Variants in ARHGAP10 observed in about 807,000 individuals in gnomAD.
The protein encoded by ARHGAP10 is Rho GTPase activating protein 10, also known as rho GTPase-activating protein 10.
In ARHGAP10, 87 loss-of-function variants were observed where a neutral mutation model predicts 108.6. That is an observed-to-expected ratio of 0.80 (90% CI 0.67 to 0.96). The LOEUF is 0.96. Among genes scored for constraint, ARHGAP10 ranks in the 40% least tolerant of loss-of-function variants. The probability of loss-of-function intolerance (pLI) is 0.00; values close to 1 mark genes in which losing one functional copy is unlikely to be tolerated. For synonymous variants in ARHGAP10, 347 were observed against 341.1 expected (o/e 1.02, Z -0.19); for missense variants, 939 against 954.5 (o/e 0.98, Z 0.21).
intron 1 of ARHGAP10, among the ~76,000 whole-genome samples, chr4:147,767,886 A>G (rs1729899013): frequency 6.6e-6 from 1 of 152,240 alleles, no homozygotes; most frequent in Admixed American, 6.5e-5. Flanking sequence ...CTTAAATAAC[A>G]GGACAGACAC....
intron 1 of ARHGAP10, among the ~76,000 whole-genome samples, chr4:147,750,601 C>CT (rs773142482): frequency 0.026 from 3,739 of 142,764 alleles, 132 homozygotes; most frequent in African/African-American, 0.084. Flanking sequence ...TATAAAATAT[C>CT]TTTTTTTTTT....
At chr4:147,894,296 G>A (rs1217645276) in intron 10 of ARHGAP10, among the ~76,000 whole-genome samples, 3 of 152,020 alleles carry the variant, frequency 2.0e-5, no homozygotes, top group Non-Finnish European at 4.4e-5. Flanking sequence ...TTTCATTTTA[G>A]CCAATTTTGA....
intron 10 of ARHGAP10, among the ~76,000 whole-genome samples, chr4:147,900,267 T>C (rs913103896): frequency 6.6e-6 from 1 of 152,198 alleles, no homozygotes; most frequent in Non-Finnish European, 1.5e-5. Context: ...GTATTTTTTT[T>C]CTGAATGAAT....
chr4:147,871,581 A>G (rs1734824275), intron 7 of ARHGAP10, among the ~76,000 whole-genome samples: 1 of 152,210 alleles, frequency 6.6e-6, no homozygotes, highest in Non-Finnish European at 1.5e-5. Context: ...CTTTTATTGG[A>G]AAGATAGCAT....
At chr4:147,820,580 G>GT (rs57534364) in intron 1 of ARHGAP10, among the ~76,000 whole-genome samples, 496 of 49,034 alleles carry the variant, frequency 0.01, 61 homozygotes, top group East Asian at 0.054. Flanking sequence ...ACCTCGGCCA[G>GT]TTTTTTTTTT....
chr4:147,860,421 G>T (rs1349526175), intron 5 of ARHGAP10, among the ~76,000 whole-genome samples: 1 of 151,952 alleles, frequency 6.6e-6, no homozygotes, highest in Non-Finnish European at 1.5e-5. Flanking sequence ...CAGCCTGGGC[G>T]ACAGCTCCGT....
At chr4:148,008,326 G>A (rs1312048015) in intron 18 of ARHGAP10, among the ~76,000 whole-genome samples, 1 of 151,900 alleles carries the variant, frequency 6.6e-6, no homozygotes. Context: ...AAACAAAGCC[G>A]GTGCTAACAG....
chr4:148,012,184 C>T (rs1222718757), intron 18 of ARHGAP10, among the ~76,000 whole-genome samples: 2 of 152,174 alleles, frequency 1.3e-5, no homozygotes, highest in Non-Finnish European at 2.9e-5. Context: ...GTCATTACTT[C>T]ATTTATTATG....
At chr4:148,055,114 C>T (rs907934549) in intron 20 of ARHGAP10, among the ~76,000 whole-genome samples, 4 of 152,216 alleles carry the variant, frequency 2.6e-5, no homozygotes, top group African/African-American at 7.2e-5. Context: ...TCAAGGAGAA[C>T]TCTTTGAGTG....
At chr4:147,847,685 C>T (rs1269490240) in intron 4 of ARHGAP10, among the ~76,000 whole-genome samples, 1 of 152,086 alleles carries the variant, frequency 6.6e-6, no homozygotes, top group Non-Finnish European at 1.5e-5. Flanking sequence ...ATTTATTGAG[C>T]CTCTATTATG....
At chr4:147,805,314 A>G (rs979374269) in intron 1 of ARHGAP10, among the ~76,000 whole-genome samples, 16 of 152,040 alleles carry the variant, frequency 1.1e-4, no homozygotes, top group African/African-American at 2.7e-4. Flanking sequence ...TGGGCTCTCT[A>G]TTCTGTTCCA....
At chr4:148,016,558 T>G (rs1018252944) in intron 18 of ARHGAP10, among the ~76,000 whole-genome samples, 12 of 152,276 alleles carry the variant, frequency 7.9e-5, no homozygotes, top group African/African-American at 2.6e-4. Context: ...TCTCTGTTCT[T>G]ATAACACAAC....
chr4:148,053,522 GA>G (rs1729233313), intron 20 of ARHGAP10, among the ~76,000 whole-genome samples: 1 of 152,318 alleles, frequency 6.6e-6, no homozygotes, highest in African/African-American at 2.4e-5. Flanking sequence ...GAGAGACTTG[GA>G]AATTTGATCT....
chr4:147,831,489 T>C (rs1457141408), intron 3 of ARHGAP10, among the ~76,000 whole-genome samples: 2 of 152,236 alleles, frequency 1.3e-5, no homozygotes, highest in Admixed American at 6.5e-5. Context: ...GTGAAGCTTG[T>C]TTTAATCAGT....
At chr4:147,992,319 ACAC>A (rs1455778134) in intron 18 of ARHGAP10, among the ~76,000 whole-genome samples, 1 of 152,012 alleles carries the variant, frequency 6.6e-6, no homozygotes, top group Non-Finnish European at 1.5e-5. Flanking sequence ...TTCCCCCTTC[ACAC>A]TGAGTCACAC....
chr4:147,837,170 G>T (rs2126804769), intron 3 of ARHGAP10, among the ~76,000 whole-genome samples: 1 of 152,262 alleles, frequency 6.6e-6, no homozygotes, highest in South Asian at 2.1e-4. Context: ...GAAGGTATAG[G>T]CCGGGGGAGG....
At chr4:147,732,533 G>A in intron 1 of ARHGAP10, 78 bp downstream of exon 1, 3 of 1,573,668 alleles carry the variant, frequency 1.9e-6, no homozygotes, top group African/African-American at 1.4e-5. Context: ...GGAGACGGAG[G>A]GTCTTGTGTC....
At chr4:147,835,146 A>T (rs1017474983) in intron 3 of ARHGAP10, among the ~76,000 whole-genome samples, 7 of 152,258 alleles carry the variant, frequency 4.6e-5, no homozygotes, top group African/African-American at 1.7e-4. Context: ...CCGTGTTCTC[A>T]CACCTGAGGA....
At chr4:147,962,287 GCTT>G (rs1475427955) in intron 16 of ARHGAP10, among the ~76,000 whole-genome samples, 1 of 152,158 alleles carries the variant, frequency 6.6e-6, no homozygotes, top group Non-Finnish European at 1.5e-5. Flanking sequence ...TGTCAGTTCT[GCTT>G]CTTCCATCGT....
Sources: gnomAD v4.1 joint callset for allele counts (sites outside exome capture counted in the v4.1 genomes callset) on GRCh38, gnomAD v4.1.1 for gene constraint, MANE v1.5 for transcripts, NCBI Gene and HGNC (gene_info 2026-07-23, HGNC 2026-07-21) for gene names.